RNF223: variants seen among roughly 807,000 people sequenced by gnomAD.
The protein encoded by RNF223 is ring finger protein 223.
RNF223 carries 10 observed loss-of-function variants against 13.9 expected under a neutral mutation model. That is an observed-to-expected ratio of 0.72 (90% CI 0.44 to 1.22). The LOEUF is 1.22. RNF223 is among the 50% of genes most tolerant of loss of function. The probability of loss-of-function intolerance (pLI) is 0.00; values close to 1 mark genes in which losing one functional copy is unlikely to be tolerated. For missense variants in RNF223, 379 were observed against 380.0 expected (o/e 1.00, Z 0.02); for synonymous variants, 168 against 173.3 (o/e 0.97, Z 0.24).
intron 1 of RNF223, among the ~76,000 whole-genome samples, chr1:1,073,374 A>G (rs564516007): frequency 2.4e-4 from 36 of 152,258 alleles, no homozygotes; most frequent in African/African-American, 8.4e-4. Flanking sequence ...TCTGATGTGC[A>G]CAGTGTGGGG....
Position 1,071,631 on chromosome 1 carries a change from T to G in RNF223, c.*186A>C, listed in dbSNP as rs1186597379. ...CCCCGTCAGGACCCAGCCTGGAGAA[T>G]GAGGGGTGGACAAGCTAAATGGAGC... On this transcript the variant is annotated 3_prime_UTR_variant, in exon 2 of 2. Transcript: ENST00000453464. 2 of 519,356 alleles carry G rather than the reference T, an allele frequency of 3.9e-6. No individual in the cohort carries two copies. Among genetic ancestry groups the G allele is most frequent in the Non-Finnish European group, 3.3e-6 (1 of 298,692 alleles). The allele number at this position is 519,356 out of a possible 1,614,324, so 32.2% of individuals were successfully genotyped here. A position where few individuals can be genotyped will look rare whatever the true frequency, so the allele number is the denominator to read the frequency against.
In RNF223 at chr1:1,070,981, T is replaced by A. The variant is rs1331892261; in HGVS notation, c.*836A>T. ...CTTGCCAAAGATGGATACAAATAAT[T>A]TATTTTAAAAGGTACAATTCACAAG... On this transcript the variant is annotated 3_prime_UTR_variant, in exon 2 of 2. Transcript: ENST00000453464. 1 of 152,078 alleles carries A rather than the reference T, an allele frequency of 6.6e-6. No homozygotes were observed. The highest frequency in any genetic ancestry group is 2.4e-5 in the African/African-American group (1 of 41,376). 9.4% of individuals were successfully genotyped at this position (152,078 alleles called of 1,614,324 possible).
At position 1,071,707 on chromosome 1, in the gene RNF223, C is replaced by T. The variant is rs867220328; in HGVS notation, c.*110G>A. ...GTCCTCAGAGATGCCAGGCTCCTTTCGCGTCCTCGGGGACCGACTTCCAGT... is the reference window on the plus strand; with the variant it reads ...GTCCTCAGAGATGCCAGGCTCCTTTTGCGTCCTCGGGGACCGACTTCCAGT... On this transcript the variant is annotated 3_prime_UTR_variant, in exon 2 of 2. Coordinates refer to ENST00000453464, the MANE Select transcript of RNF223 (RefSeq NM_001205252.2). The T allele has an allele frequency of 4.1e-5, 40 of 977,652 alleles. No individual in the cohort carries two copies. The highest frequency in any genetic ancestry group is 3.3e-4 in the Middle Eastern group (1 of 3,020). 60.6% of individuals were successfully genotyped at this position (977,652 alleles called of 1,614,324 possible). A position where few individuals can be genotyped will look rare whatever the true frequency, so the allele number is the denominator to read the frequency against.
Position 1,072,486 on chromosome 1 carries a change from G to A in RNF223, c.81C>T (p.Ser27=), listed in dbSNP as rs754571954. The A allele has an allele frequency of 8.0e-5, 123 of 1,531,910 alleles. No individual in the cohort carries two copies. Among genetic ancestry groups the A allele is most frequent in the Non-Finnish European group, 1.0e-4 (119 of 1,145,260 alleles). 94.9% of individuals were successfully genotyped at this position (1,531,910 alleles called of 1,614,324 possible). A position where few individuals can be genotyped will look rare whatever the true frequency, so the allele number is the denominator to read the frequency against. ...RSSSIASMPR[S]PSSAGSPRSP... is the part of the protein sequence containing the mutation. ...ACCTGGGGCTGCCGGCCGAGCTGGG[G>A]GACCTGGGCATCGAGGCTATGGAGC... Residue 27 remains serine, a synonymous_variant, in exon 2 of 2, where the codon TCC becomes TCT. Transcript: ENST00000453464.
rs1645642390 is a variant in RNF223, at chr1:1,071,923, A to T, written c.644T>A (p.Val215Glu). The T allele has an allele frequency of 2.0e-6, 3 of 1,534,412 alleles. No individual in the cohort carries two copies. Among genetic ancestry groups the T allele is most frequent in the Non-Finnish European group, 2.6e-6 (3 of 1,146,188 alleles). Residue 215 changes from valine (V) to glutamate (E), a missense_variant, in exon 2 of 2, where the codon GTG becomes GAG. By Grantham distance (121) the Val-to-Glu change is moderately radical (BLOSUM62 -2). Transcript: ENST00000453464. The part of the protein sequence containing the change: ...LMLFCVALWP[V>E]QCALKTGNLR... ...GTTCCCGGTCTTGAGCGCGCACTGC[A>T]CCGGCCAGAGTGCCACACAGAAGAG... is the stretch of plus-strand genomic sequence containing the variant.
rs1470817493 is a variant in RNF223, at chr1:1,071,304, C to A, written c.*513G>T. On this transcript the variant is annotated 3_prime_UTR_variant, in exon 2 of 2. Coordinates refer to ENST00000453464, the MANE Select transcript of RNF223 (RefSeq NM_001205252.2). Reference sequence around the variant, plus strand: ...TGTTTTGTTTTGAGACAGGGTCTCCCTCTGTCGCCCAGGCTGGATGCAGTG... The same window carrying A: ...TGTTTTGTTTTGAGACAGGGTCTCCATCTGTCGCCCAGGCTGGATGCAGTG... 1 of 152,802 alleles carries A rather than the reference C, an allele frequency of 6.5e-6. No individual in the cohort carries two copies. Among genetic ancestry groups the A allele is most frequent in the Non-Finnish European group, 1.5e-5 (1 of 68,534 alleles). The allele number at this position is 152,802 out of a possible 1,614,324, so 9.5% of individuals were successfully genotyped here.
chr1:1,072,802 C>T (rs1645652571), intron 1 of RNF223, among the ~76,000 whole-genome samples: 1 of 152,194 alleles, frequency 6.6e-6, no homozygotes, highest in South Asian at 2.1e-4. Flanking sequence ...CCACAGGGCC[C>T]CAGGCCTGCT....
chr1:1,071,865 C>CGGGGGGGGGGGGGGGGTGGGGGGGGGGCG lies in RNF223; in HGVS notation c.701_702insCGCCCCCCCCCCACCCCCCCCCCCCCCCC (p.Thr236ProfsTer21). 1.6e-6 allele frequency: 2 copies of CGGGGGGGGGGGGGGGGTGGGGGGGGGGCG among 1,276,316 alleles called. No individual in the cohort carries two copies. The highest frequency in any genetic ancestry group is 2.1e-6 in the Non-Finnish European group (2 of 951,268). The allele number at this position is 1,276,316 out of a possible 1,614,324, so 79.1% of individuals were successfully genotyped here. ...GGGGGGAGGCGGCTGTGCTGGTGGCCGGGGGCCGGGGGGGCAGGGGCAGGC... is the reference window on the plus strand; with the variant it reads ...GGGGGGAGGCGGCTGTGCTGGTGGCCGGGGGGGGGGGGGGGGTGGGGGGGGGGCGGGGGGCCGGGGGGGCAGGGGCAGGC... On this transcript the variant is annotated frameshift_variant, in exon 2 of 2. Transcript: ENST00000453464. LOFTEE classifies it high-confidence loss of function.
At position 1,071,530 on chromosome 1, in the gene RNF223, T is replaced by A; in HGVS notation, c.*287A>T. On this transcript the variant is annotated 3_prime_UTR_variant, in exon 2 of 2. Transcript: ENST00000453464. ...GTCTTTCTGCCTCAGCCCTCCAGAG[T>A]GCTGAGATGACAGGCGTGAGCCACC... 1 of 335,022 alleles carries A rather than the reference T, an allele frequency of 3.0e-6. No individual in the cohort carries two copies. The highest frequency in any genetic ancestry group is 5.4e-6 in the Non-Finnish European group (1 of 185,588). The allele number at this position is 335,022 out of a possible 1,614,324, so 20.8% of individuals were successfully genotyped here.
rs560098544 is a variant in RNF223, at chr1:1,071,814, G to T, written c.*3C>A. 1.0e-4 allele frequency: 155 copies of T among 1,487,690 alleles called. 1 individual carries two copies. The East Asian group carries it at 3.8e-3, about 37-fold the overall frequency. The allele number at this position is 1,487,690 out of a possible 1,614,324, so 92.2% of individuals were successfully genotyped here. ...CGGCTGACCTGGGCAGAGGCTGCTG[G>T]CCCTAATTATCAGTCAGAGGCCCGA... On this transcript the variant is annotated 3_prime_UTR_variant, in exon 2 of 2. Transcript: ENST00000453464.
intron 1 of RNF223, 136 bp from the exon 2 acceptor site, chr1:1,072,711 C>CA: frequency 2.8e-6 from 2 of 714,954 alleles, no homozygotes; most frequent in Non-Finnish European, 4.4e-6. Context: ...AAAGTTCCTC[C>CA]GGTGCCCCTG....
Position 1,072,438 on chromosome 1 carries a change from C to A in RNF223, c.129G>T (p.Glu43Asp). The stretch of plus-strand genomic sequence containing the variant: ...AGCACTCCAGGGGGGAGGCCACCCT[C>A]TCCGAGCCAGGGGTGCCAGGGGACC... ...SPRSPGTPGS[E>D]RVASPLECSI... The change falls in exon 2 of 2, where the codon GAG becomes GAT. Residue 43 changes from glutamate (E) to aspartate (D), a missense_variant. Glu to Asp is a conservative substitution (Grantham distance 45). Coordinates refer to ENST00000453464, the MANE Select transcript of RNF223 (RefSeq NM_001205252.2). 6.6e-7 allele frequency: 1 copy of A among 1,508,996 alleles called. No individual in the cohort carries two copies. Among genetic ancestry groups the A allele is most frequent in the South Asian group, 1.3e-5 (1 of 79,110 alleles). 93.5% of individuals were successfully genotyped at this position (1,508,996 alleles called of 1,614,324 possible).
chr1:1,073,067 C>T (rs1169751906), intron 1 of RNF223, among the ~76,000 whole-genome samples: 5 of 152,362 alleles, frequency 3.3e-5, no homozygotes, highest in South Asian at 4.1e-4. Flanking sequence ...AGGGAGCTGG[C>T]GGGCCCTGGA....
At chr1:1,072,807 C>T (rs1645652615) in intron 1 of RNF223, among the ~76,000 whole-genome samples, 2 of 152,190 alleles carry the variant, frequency 1.3e-5, no homozygotes, top group African/African-American at 4.8e-5. Flanking sequence ...GGGCCCCAGG[C>T]CTGCTCCGGG....
rs542538552 is a variant in RNF223 at position 1,072,043 on chromosome 1, C to T, written c.524G>A (p.Arg175Gln). 4.0e-5 allele frequency: 59 copies of T among 1,484,960 alleles called. No homozygotes were observed. In the East Asian group the frequency reaches 6.4e-4, roughly 16 times the overall value. The allele number at this position is 1,484,960 out of a possible 1,614,324, so 92.0% of individuals were successfully genotyped here. A position where few individuals can be genotyped will look rare whatever the true frequency, so the allele number is the denominator to read the frequency against. ...SKPAEPPAPARDPAPRRGRLA... is the reference protein window; with the variant it reads ...SKPAEPPAPAQDPAPRRGRLA... ...GCGGCCCCGGCGGGGGGCAGGGTCC[C>T]GGGCGGGCGCGGGCGGCTCGGCAGG... Residue 175 changes from arginine (R) to glutamine (Q), a missense_variant, in exon 2 of 2, where the codon CGG becomes CAG. Coordinates refer to ENST00000453464, the MANE Select transcript of RNF223 (RefSeq NM_001205252.2).
At position 1,071,932 on chromosome 1, in the gene RNF223, A is replaced by G; in HGVS notation, c.635T>C (p.Leu212Pro). 6.5e-7 allele frequency: 1 copy of G among 1,534,322 alleles called. No homozygotes were observed. The highest frequency in any genetic ancestry group is 1.2e-5 in the South Asian group (1 of 83,926). The change falls in exon 2 of 2, where the codon CTC (leucine) becomes CCC (proline). Residue 212 changes from leucine to proline, a missense_variant. Transcript: ENST00000453464. ...CTTGAGCGCGCACTGCACCGGCCAG[A>G]GTGCCACACAGAAGAGCATCAGCAG... ...ALLLMLFCVA[L>P]WPVQCALKTG...
In RNF223 at chr1:1,072,309, C is replaced by A; in HGVS notation, c.258G>T (p.Gln86His). 1 of 1,446,454 alleles carries A rather than the reference C, an allele frequency of 6.9e-7. No individual in the cohort carries two copies. Among genetic ancestry groups the A allele is most frequent in the Non-Finnish European group, 9.0e-7 (1 of 1,106,660 alleles). The allele number at this position is 1,446,454 out of a possible 1,614,324, so 89.6% of individuals were successfully genotyped here. ...CCTCACCACCGGGGCGGCCCACAGG[C>A]TGAGCAGCCGCCAGCCGGGCCAGGC... ...LECLARLAAA[Q>H]PVGRPGGEAV... Residue 86 changes from glutamine to histidine, a missense_variant, in exon 2 of 2, where the codon CAG (glutamine) becomes CAT (histidine). By Grantham distance (24) the Gln-to-His change is conservative (BLOSUM62 0). Coordinates refer to ENST00000453464, the MANE Select transcript of RNF223 (RefSeq NM_001205252.2).
In RNF223 at chr1:1,071,035, G is replaced by A. The variant is rs1645633216; in HGVS notation, c.*782C>T. 1 of 152,150 alleles carries A rather than the reference G, an allele frequency of 6.6e-6. No individual in the cohort carries two copies. The highest frequency in any genetic ancestry group is 1.5e-5 in the Non-Finnish European group (1 of 68,030). 9.4% of individuals were successfully genotyped at this position (152,150 alleles called of 1,614,324 possible). ...GGAGGGGTAGCTGGAAGTTTCTGTG[G>A]TTACCTTGCACTGGGGGGCTGCCCT... On this transcript the variant is annotated 3_prime_UTR_variant, in exon 2 of 2. Transcript: ENST00000453464.
Position 1,071,998 on chromosome 1 carries a change from C to T in RNF223, c.569G>A (p.Arg190His), listed in dbSNP as rs767920584. 61 of 1,509,594 alleles carry T rather than the reference C, an allele frequency of 4.0e-5. No homozygotes were observed. In the South Asian group the frequency reaches 4.1e-4, roughly 10 times the overall value. The allele number at this position is 1,509,594 out of a possible 1,614,324, so 93.5% of individuals were successfully genotyped here. ...TGCCATGCGCCTCCAGTCCCTGCAGCGCGCCCAGCAGCGGGCCAGGCGGCC... is the reference window on the plus strand; with the variant it reads ...TGCCATGCGCCTCCAGTCCCTGCAGTGCGCCCAGCAGCGGGCCAGGCGGCC... ...RRGRLARCWA[R>H]CRDWRRMALV... Residue 190 changes from arginine (R) to histidine (H), a missense_variant, in exon 2 of 2, where the codon CGC becomes CAC. Arg to His is a conservative substitution (Grantham distance 29). Coordinates refer to ENST00000453464, the MANE Select transcript of RNF223 (RefSeq NM_001205252.2).
Sources: gnomAD v4.1 joint callset for allele counts (sites outside exome capture counted in the v4.1 genomes callset) on GRCh38, gnomAD v4.1.1 for gene constraint, MANE v1.5 for transcripts, NCBI Gene and HGNC (gene_info 2026-07-23, HGNC 2026-07-21) for gene names.